Variants in CNTNAP5 observed in about 807,000 individuals in gnomAD.
CNTNAP5 encodes contactin-associated protein-like 5.
CNTNAP5 carries 72 observed loss-of-function variants against 150.2 expected under a neutral mutation model. The observed-to-expected ratio is 0.48, with a 90% CI of 0.40 to 0.58. The LOEUF (loss-of-function observed/expected upper bound fraction) is 0.58, where lower values mean the gene tolerates loss of function less well. Ranked by LOEUF, CNTNAP5 falls within the 20% of genes least tolerant of loss-of-function variation. The pLI, the probability that CNTNAP5 is intolerant of heterozygous loss-of-function variation, is 0.00. For missense variants in CNTNAP5, 1,636 were observed against 1,626.2 expected (o/e 1.01, Z -0.10); for synonymous variants, 672 against 619.8 (o/e 1.08, Z -1.25).
intron 8 of CNTNAP5, among the ~76,000 whole-genome samples, chr2:124,522,883 A>G (rs932356145): frequency 6.6e-6 from 1 of 152,180 alleles, no homozygotes; most frequent in African/African-American, 2.4e-5. Context: ...CTTCAATGAA[A>G]CATTCTTGGG....
chr2:124,814,742 G>A (rs1236873906), intron 19 of CNTNAP5, among the ~76,000 whole-genome samples: 1 of 152,058 alleles, frequency 6.6e-6, no homozygotes, highest in Non-Finnish European at 1.5e-5. Context: ...AATAAAATGA[G>A]AGTAAAACTT....
At chr2:124,295,142 AAAC>A in intron 3 of CNTNAP5, among the ~76,000 whole-genome samples, 1 of 151,836 alleles carries the variant, frequency 6.6e-6, no homozygotes, top group African/African-American at 2.4e-5. Flanking sequence ...ACAAACAAAC[AAAC>A]AAACAAACAG....
At chr2:124,277,921 A>G (rs559994365) in intron 3 of CNTNAP5, among the ~76,000 whole-genome samples, 2 of 152,280 alleles carry the variant, frequency 1.3e-5, no homozygotes, top group East Asian at 3.9e-4. Flanking sequence ...AGGTCATTCC[A>G]TAACTGCCCT....
chr2:124,554,101 T>C (rs1285144992), intron 10 of CNTNAP5, among the ~76,000 whole-genome samples: 1 of 152,190 alleles, frequency 6.6e-6, no homozygotes, highest in Non-Finnish European at 1.5e-5. Flanking sequence ...TTTTTTTCTT[T>C]TTTTAAAATT....
At chr2:124,791,964 C>G (rs1208983056) in intron 18 of CNTNAP5, among the ~76,000 whole-genome samples, 1 of 151,970 alleles carries the variant, frequency 6.6e-6, no homozygotes, top group Non-Finnish European at 1.5e-5. Flanking sequence ...GTAAGATGGC[C>G]TTTTTAGTCA....
In CNTNAP5 at chr2:124,835,293, G is replaced by A. The variant is rs531557464; in HGVS notation, c.3218-30013G>A. Among the ~76,000 whole-genome samples, 399 of 152,162 alleles carry A rather than the reference G, an allele frequency of 2.6e-3. 6 individuals carry two copies. The highest frequency in any genetic ancestry group is 7.8e-3 in the African/African-American group (322 of 41,522). On this transcript the variant is annotated intron_variant, in intron 19 of 23. Transcript: ENST00000682447. ...TTTGCTACTTCCCTTTTCCCCAAAT[G>A]TTATGATCATTTGCTTACTGCTCAG...
At chr2:124,888,127 C>T (rs1678119484) in intron 21 of CNTNAP5, among the ~76,000 whole-genome samples, 2 of 152,046 alleles carry the variant, frequency 1.3e-5, no homozygotes, top group Admixed American at 1.3e-4. Context: ...TAATAGTCCT[C>T]AGTGTCTATT....
At chr2:124,432,468 A>T (rs1385738288) in intron 4 of CNTNAP5, among the ~76,000 whole-genome samples, 1 of 152,114 alleles carries the variant, frequency 6.6e-6, no homozygotes, top group East Asian at 1.9e-4. Context: ...ACCCTGTCTG[A>T]ATCTACCCCC....
At chr2:124,304,543 C>T (rs1688634802) in intron 3 of CNTNAP5, among the ~76,000 whole-genome samples, 1 of 148,842 alleles carries the variant, frequency 6.7e-6, no homozygotes, top group Admixed American at 6.6e-5. Flanking sequence ...GTTCTGAAAG[C>T]ACTAGACAGC....
intron 13 of CNTNAP5, among the ~76,000 whole-genome samples, chr2:124,651,187 G>T (rs915067370): frequency 1.1e-4 from 16 of 152,230 alleles, no homozygotes; most frequent in African/African-American, 3.6e-4. Flanking sequence ...CGTGCAGGCT[G>T]ATTACCATAG....
intron 2 of CNTNAP5, among the ~76,000 whole-genome samples, chr2:124,241,248 G>A (rs922814918): frequency 1.3e-5 from 2 of 152,090 alleles, no homozygotes; most frequent in African/African-American, 4.8e-5. Context: ...GCAAACCTCA[G>A]GTGTGATACA....
Position 124,646,947 on chromosome 2 carries a change from A to G in CNTNAP5, c.1877-811A>G, listed in dbSNP as rs183545887. On this transcript the variant is annotated intron_variant, in intron 12 of 23. Transcript: ENST00000682447. ...ATGATCACCCTACTGCACTCTAGCCAGGGCAACAGAGAGAGACCCTGTCTC... is the reference window on the plus strand; with the variant it reads ...ATGATCACCCTACTGCACTCTAGCCGGGGCAACAGAGAGAGACCCTGTCTC... 1.4e-3 allele frequency among the ~76,000 whole-genome samples: 213 copies of G among 152,286 alleles called. 4 individuals carry two copies. The East Asian group carries it at 0.021, about 15-fold the overall frequency.
chr2:124,706,841 AGG>A (rs1679662862), intron 13 of CNTNAP5, among the ~76,000 whole-genome samples: 1 of 3,108 alleles, frequency 3.2e-4, no homozygotes, highest in African/African-American at 7.0e-4. Context: ...GAGGAGGGGG[AGG>A]AAGGAGGAGG....
chr2:124,707,013 AGGAGG>A (rs1679678421), intron 13 of CNTNAP5, among the ~76,000 whole-genome samples: 1 of 93,328 alleles, frequency 1.1e-5, no homozygotes. Flanking sequence ...AAGAAGGAGG[AGGAGG>A]AGAAGAAGAA....
At chr2:124,359,373 T>C (rs1276708779) in intron 3 of CNTNAP5, among the ~76,000 whole-genome samples, 1 of 151,916 alleles carries the variant, frequency 6.6e-6, no homozygotes, top group Non-Finnish European at 1.5e-5. Flanking sequence ...CTCTTGCTTT[T>C]CTCGTTCTTT....
intron 10 of CNTNAP5, among the ~76,000 whole-genome samples, chr2:124,541,544 C>A (rs1440911168): frequency 6.6e-6 from 1 of 152,006 alleles, no homozygotes; most frequent in Non-Finnish European, 1.5e-5. Context: ...AAAGGTCATT[C>A]CAATTACCAT....
chr2:124,504,833 A>C (rs1487286177), intron 8 of CNTNAP5, among the ~76,000 whole-genome samples: 1 of 150,176 alleles, frequency 6.7e-6, no homozygotes, highest in Non-Finnish European at 1.5e-5. Context: ...CAGCTTCCTG[A>C]GTAGCTGGGA....
In CNTNAP5 at chr2:124,916,333, G is replaced by GT. The variant is rs996334680; in HGVS notation, c.*2049dup. Among the ~76,000 whole-genome samples, 1 of 151,964 alleles carries GT rather than the reference G, an allele frequency of 6.6e-6. No individual in the cohort carries two copies. Among genetic ancestry groups the GT allele is most frequent in the African/African-American group, 2.4e-5 (1 of 41,400 alleles). On this transcript the variant is annotated 3_prime_UTR_variant, in exon 24 of 24. Transcript: ENST00000682447. ...GTAAGATGAAGGATCTTTAAACACT[G>GT]TTTTCCCCTGCCCTTTCCTCCCTTT... is the stretch of plus-strand genomic sequence containing the variant.
intron 7 of CNTNAP5, among the ~76,000 whole-genome samples, chr2:124,482,667 G>T (rs1051431414): frequency 6.6e-6 from 1 of 152,058 alleles, no homozygotes; most frequent in Non-Finnish European, 1.5e-5. Flanking sequence ...GCTTGAGGGC[G>T]GAATCCTTGT....
Sources: allele counts gnomAD v4.1 joint callset (sites outside exome capture counted in the v4.1 genomes callset), GRCh38; gene constraint gnomAD v4.1.1; transcripts MANE v1.5; gene names NCBI Gene and HGNC (gene_info 2026-07-23, HGNC 2026-07-21).